Variants in ADAMTS16 observed in about 807,000 individuals in gnomAD.
ADAMTS16 encodes the protein A disintegrin and metalloproteinase with thrombospondin motifs 16.
Under a neutral mutation model 145.8 loss-of-function variants are expected in ADAMTS16, and 94 were observed. That is an observed-to-expected ratio of 0.64 (90% CI 0.55 to 0.77). ADAMTS16 has a LOEUF of 0.77. Ranked by LOEUF, ADAMTS16 falls within the 30% of genes least tolerant of loss-of-function variation. The pLI is 0.00. For synonymous variants in ADAMTS16, 659 were observed against 604.3 expected (o/e 1.09, Z -1.33); for missense variants, 1,585 against 1,591.5 (o/e 1.00, Z 0.07).
At position 5,251,629 on chromosome 5, in the gene ADAMTS16, A is replaced by T. The variant is rs117417407; in HGVS notation, c.2662+9438A>T. 8.2e-3 allele frequency among the ~76,000 whole-genome samples: 1,243 copies of T among 152,268 alleles called. 27 individuals are homozygous for T. Among genetic ancestry groups the T allele is most frequent in the East Asian group, 0.069 (358 of 5,162 alleles). On this transcript the variant is annotated intron_variant, in intron 17 of 22. Transcript: ENST00000274181. ...TGGCACAGAGACTGAAGGGAGATGGAGTTGTAAAGATTCTGATTTCACTTT... is the reference window on the plus strand; with the variant it reads ...TGGCACAGAGACTGAAGGGAGATGGTGTTGTAAAGATTCTGATTTCACTTT...
At chr5:5,259,884 C>T (rs533739971) in intron 17 of ADAMTS16, among the ~76,000 whole-genome samples, 2 of 151,920 alleles carry the variant, frequency 1.3e-5, no homozygotes, top group East Asian at 3.9e-4. Context: ...ACTCTCACCC[C>T]GCTGTGTCAT....
intron 18 of ADAMTS16, among the ~76,000 whole-genome samples, chr5:5,276,122 C>G (rs2964393): frequency 0.9 from 137,129 of 151,692 alleles, 62,880 homozygotes; most frequent in East Asian, 1. Context: ...GCCTCCCAAA[C>G]TGCTGGGATT....
At chr5:5,165,220 G>A (rs270179) in intron 3 of ADAMTS16, among the ~76,000 whole-genome samples, 80,233 of 151,814 alleles carry the variant, frequency 0.53, 21,462 homozygotes, top group East Asian at 0.74. Flanking sequence ...CCTCTGCTCC[G>A]GCTTCTTTTG....
chr5:5,298,836 TG>T (rs1739652414), intron 18 of ADAMTS16, among the ~76,000 whole-genome samples: 1 of 152,216 alleles, frequency 6.6e-6, no homozygotes, highest in African/African-American at 2.4e-5. Flanking sequence ...TCTTGACCCC[TG>T]GGCCATTGAG....
intron 11 of ADAMTS16, among the ~76,000 whole-genome samples, chr5:5,231,773 AT>A (rs778286526): frequency 3.3e-5 from 5 of 152,236 alleles, no homozygotes; most frequent in Admixed American, 1.3e-4. Flanking sequence ...AAGAGATAGC[AT>A]CTCCAGCCTT....
chr5:5,307,950 A>G (rs1740252194), intron 21 of ADAMTS16, among the ~76,000 whole-genome samples: 1 of 152,198 alleles, frequency 6.6e-6, no homozygotes, highest in Admixed American at 6.5e-5. Flanking sequence ...GGGCAGCAGA[A>G]CAAAGACCCG....
chr5:5,182,339 GATGCTGACATTT>G lies in ADAMTS16; in HGVS notation c.763+38_763+49del, dbSNP rs1455073604. 32 of 1,584,914 alleles carry G rather than the reference GATGCTGACATTT, an allele frequency of 2.0e-5. No individual in the cohort carries two copies. In the Admixed American group the frequency reaches 4.2e-4, roughly 21 times the overall value. On this transcript the variant is annotated intron_variant, in intron 4 of 22. Coordinates refer to ENST00000274181, the MANE Select transcript of ADAMTS16 (RefSeq NM_139056.4). Reference sequence around the variant, plus strand: ...GGGCGAATCTTTGTGTGTATTTAGTGATGCTGACATTTATGTAAGCTGATGGAAGCTTGTACA... The same window carrying G: ...GGGCGAATCTTTGTGTGTATTTAGTGATGTAAGCTGATGGAAGCTTGTACA...
At chr5:5,164,596 T>TG (rs1474844830) in intron 3 of ADAMTS16, among the ~76,000 whole-genome samples, 1 of 152,212 alleles carries the variant, frequency 6.6e-6, no homozygotes, top group Non-Finnish European at 1.5e-5. Context: ...AGGAAGTGTC[T>TG]GGAGTAGGAG....
intron 3 of ADAMTS16, 117 bp from the exon 4 acceptor site, chr5:5,181,927 T>G (rs1735349607): frequency 8.3e-7 from 1 of 1,209,220 alleles, no homozygotes. Flanking sequence ...TCGCTCTCAC[T>G]GGAGGGAACA....
chr5:5,196,670 A>C (rs1735815366), intron 8 of ADAMTS16, among the ~76,000 whole-genome samples: 1 of 152,242 alleles, frequency 6.6e-6, no homozygotes, highest in African/African-American at 2.4e-5. Flanking sequence ...GCACATATGC[A>C]TACCAACCAT....
chr5:5,159,937 C>T (rs948764388), intron 3 of ADAMTS16, among the ~76,000 whole-genome samples: 2 of 152,140 alleles, frequency 1.3e-5, no homozygotes, highest in African/African-American at 4.8e-5. Flanking sequence ...GAGCCATAAA[C>T]CTTGTTTTTA....
intron 19 of ADAMTS16, 23 bp from the exon 20 acceptor site, chr5:5,303,549 C>T: frequency 6.2e-7 from 1 of 1,611,652 alleles, no homozygotes; most frequent in Non-Finnish European, 8.5e-7. Flanking sequence ...TCACTGGGTG[C>T]TTATCCTGAC....
At chr5:5,250,838 G>A (rs1193263532) in intron 17 of ADAMTS16, among the ~76,000 whole-genome samples, 2 of 151,994 alleles carry the variant, frequency 1.3e-5, no homozygotes, top group Non-Finnish European at 2.9e-5. Flanking sequence ...CAATATATAA[G>A]ATGAATCAAA....
At chr5:5,239,632 CCTG>C in intron 15 of ADAMTS16, 46 bp from the exon 16 acceptor site, 1 of 1,601,878 alleles carries the variant, frequency 6.2e-7, no homozygotes, top group Non-Finnish European at 8.5e-7. Flanking sequence ...AGATTTTGCC[CCTG>C]CTTTCTGGAA....
intron 17 of ADAMTS16, among the ~76,000 whole-genome samples, chr5:5,254,504 C>T (rs1159439003): frequency 6.6e-6 from 1 of 151,994 alleles, no homozygotes; most frequent in Non-Finnish European, 1.5e-5. Context: ...TATGTAGATA[C>T]AGATATACAC....
In ADAMTS16 at chr5:5,226,075, T is replaced by C. The variant is rs564810688; in HGVS notation, c.1701+3191T>C. On this transcript the variant is annotated intron_variant, in intron 11 of 22. Transcript: ENST00000274181. ...CATCTTCGCATCTCTCTATTTAGAA[T>C]CAAAATGGGAGGCGGTTTTTGCACG... Among the ~76,000 whole-genome samples the C allele has an allele frequency of 6.6e-5, 10 of 152,288 alleles. No individual in the cohort carries two copies. The East Asian group carries it at 1.5e-3, about 24-fold the overall frequency.
chr5:5,191,880 A>G (rs1735670936), intron 8 of ADAMTS16, 90 bp downstream of exon 8: 2 of 939,648 alleles, frequency 2.1e-6, no homozygotes, highest in Admixed American at 2.3e-5. Context: ...AGTCAAGTCC[A>G]TGAAGGGAAT....
chr5:5,177,634 T>C (rs549574377), intron 3 of ADAMTS16, among the ~76,000 whole-genome samples: 1 of 152,168 alleles, frequency 6.6e-6, no homozygotes, highest in East Asian at 1.9e-4. Flanking sequence ...TATAAGAAAA[T>C]AAAAAGCAAA....
chr5:5,284,487 A>ATAGCTTTCTGAT (rs1222574531), intron 18 of ADAMTS16, among the ~76,000 whole-genome samples: 1 of 152,180 alleles, frequency 6.6e-6, no homozygotes, highest in East Asian at 1.9e-4. Context: ...CTTCTGTGCC[A>ATAGCTTTCTGAT]TAGCTTTCTG....
Sources: allele counts gnomAD v4.1 joint callset (sites outside exome capture counted in the v4.1 genomes callset), GRCh38; gene constraint gnomAD v4.1.1; transcripts MANE v1.5; gene names NCBI Gene and HGNC (gene_info 2026-07-23, HGNC 2026-07-21).